The following SCNN1B variants were observed in gnomAD, a reference collection of about 807,000 sequenced individuals.
SCNN1B encodes sodium channel epithelial 1 subunit beta.
In SCNN1B, 46 loss-of-function variants were observed where a neutral mutation model predicts 65.3. The ratio of observed to expected loss-of-function variants is 0.70; its 90% confidence interval spans 0.56 to 0.90. The LOEUF is 0.90. Ranked by LOEUF, SCNN1B falls within the 40% of genes least tolerant of loss-of-function variation. The probability of loss-of-function intolerance (pLI) is 0.00; values close to 1 mark genes in which losing one functional copy is unlikely to be tolerated. For missense variants in SCNN1B, 751 were observed against 830.5 expected (o/e 0.90, Z 1.18); for synonymous variants, 349 against 330.6 (o/e 1.06, Z -0.60).
At chr16:23,357,498 G>A (rs60866571) in intron 4 of SCNN1B, among the ~76,000 whole-genome samples, 31 of 152,288 alleles carry the variant, frequency 2.0e-4, no homozygotes, top group South Asian at 4.1e-4. Context: ...AAGGAGAATC[G>A]CTTGAACCCC....
chr16:23,278,231 G>T (rs1960732874), exon 1 of SCNN1B: 1 of 152,140 alleles, frequency 6.6e-6, no homozygotes, highest in Non-Finnish European at 1.5e-5. Context: ...ATGAAGTGCT[G>T]ATACAGGCTA....
At chr16:23,350,350 C>T (rs1183836624) in intron 2 of SCNN1B, among the ~76,000 whole-genome samples, 1 of 152,126 alleles carries the variant, frequency 6.6e-6, no homozygotes, top group Non-Finnish European at 1.5e-5. Context: ...ACCATTCTTC[C>T]GGATTGCCCG....
At position 23,309,410 on chromosome 16, in the gene SCNN1B, T is replaced by TGATAGATAGATAGATA. The variant is rs58532372; in HGVS notation, c.-9+6988_-9+7003dup. 6.4e-3 allele frequency among the ~76,000 whole-genome samples: 964 copies of TGATAGATAGATAGATA among 150,926 alleles called. 7 individuals carry two copies. The highest frequency in any genetic ancestry group is 0.012 in the African/African-American group (485 of 40,914). ...GGATAGATGATAGATAGATAAATGATGATAGATAGATAGATAGATAGATAG... is the reference window on the plus strand; with the variant it reads ...GGATAGATGATAGATAGATAAATGATGATAGATAGATAGATAGATAGATAGATAGATAGATAGATAG... On this transcript the variant is annotated intron_variant, in intron 1 of 12. Coordinates refer to ENST00000343070, the MANE Select transcript of SCNN1B (RefSeq NM_000336.3).
At chr16:23,330,468 C>G (rs1961788537) in intron 1 of SCNN1B, among the ~76,000 whole-genome samples, 4 of 152,188 alleles carry the variant, frequency 2.6e-5, no homozygotes, top group African/African-American at 9.7e-5. Flanking sequence ...GGGCATTTCC[C>G]CCAGCGCCTT....
intron 1 of SCNN1B, among the ~76,000 whole-genome samples, chr16:23,344,078 C>T (rs1962136087): frequency 6.6e-6 from 1 of 152,242 alleles, no homozygotes; most frequent in East Asian, 1.9e-4. Flanking sequence ...ACTTTTGCTA[C>T]CTGTAGTACT....
chr16:23,300,922 G>T (rs1211262390), upstream of SCNN1B, among the ~76,000 whole-genome samples: 1 of 151,668 alleles, frequency 6.6e-6, no homozygotes, highest in African/African-American at 2.4e-5. Context: ...AATATTTTTA[G>T]GTATCAGTTT....
chr16:23,355,498 C>A lies in SCNN1B; in HGVS notation c.776+9C>A, dbSNP rs1962401157. ...GAGCCCTGCAACTACCGGTGAGAGCCACCCCAAGCCCACCCGGCCAGGCCC... is the reference window on the plus strand; with the variant it reads ...GAGCCCTGCAACTACCGGTGAGAGCAACCCCAAGCCCACCCGGCCAGGCCC... On this transcript the variant is annotated intron_variant, in intron 4 of 12. Coordinates refer to ENST00000343070, the MANE Select transcript of SCNN1B (RefSeq NM_000336.3). 3 of 1,613,844 alleles carry A rather than the reference C, an allele frequency of 1.9e-6. No homozygotes were observed. The highest frequency in any genetic ancestry group is 2.5e-6 in the Non-Finnish European group (3 of 1,179,972).
intron 1 of SCNN1B, among the ~76,000 whole-genome samples, chr16:23,331,704 G>C (rs1291695260): frequency 6.6e-6 from 1 of 152,128 alleles, no homozygotes; most frequent in African/African-American, 2.4e-5. Flanking sequence ...TTCAACATAT[G>C]AATTCATTTT....
chr16:23,380,300 T>C lies in SCNN1B; in HGVS notation c.1543-121T>C. On this transcript the variant is annotated intron_variant, in intron 12 of 12. Coordinates refer to ENST00000343070, the MANE Select transcript of SCNN1B (RefSeq NM_000336.3). The surrounding 1 kb of genome is among the most constrained non-coding windows in gnomAD (Gnocchi z 5.4). ...CTAAGACAGTCCCAAGTTATTCCCC[T>C]GGGCCAAGATGGTCACCCCCTCCCG... 3.3e-6 allele frequency: 5 copies of C among 1,535,994 alleles called. No individual in the cohort carries two copies. Among genetic ancestry groups the C allele is most frequent in the South Asian group, 1.1e-5 (1 of 88,930 alleles).
rs114204040 is a variant in SCNN1B, at chr16:23,311,392, A to T, written c.-9+8955A>T. 2.5e-3 allele frequency among the ~76,000 whole-genome samples: 378 copies of T among 152,164 alleles called. 2 individuals are homozygous for T. Among genetic ancestry groups the T allele is most frequent in the African/African-American group, 8.4e-3 (350 of 41,508 alleles). ...TCTCTCAAGAGTTACTCCTGATTGG[A>T]CTCATTTGAGGACCTTAAGCAGGGG... is the stretch of plus-strand genomic sequence containing the variant. On this transcript the variant is annotated intron_variant, in intron 1 of 12. Transcript: ENST00000343070.
At chr16:23,297,169 A>G (rs1043669110) in intron 2 of SCNN1B, among the ~76,000 whole-genome samples, 1 of 152,132 alleles carries the variant, frequency 6.6e-6, no homozygotes, top group Non-Finnish European at 1.5e-5. Flanking sequence ...GGAGGGTAGC[A>G]CATGCCTCAA....
At chr16:23,289,441 C>T (rs1048307551) in intron 2 of SCNN1B, among the ~76,000 whole-genome samples, 1 of 152,036 alleles carries the variant, frequency 6.6e-6, no homozygotes, top group African/African-American at 2.4e-5. Context: ...GTCCTGGATA[C>T]TCAGGAGGCT....
intron 2 of SCNN1B, among the ~76,000 whole-genome samples, chr16:23,351,104 C>T (rs981120343): frequency 6.6e-6 from 1 of 152,144 alleles, no homozygotes; most frequent in Non-Finnish European, 1.5e-5. Context: ...AGGGAATTCT[C>T]ACATAGTGAT....
chr16:23,323,505 CT>C, intron 1 of SCNN1B: 1 of 702,650 alleles, frequency 1.4e-6, no homozygotes, highest in South Asian at 1.5e-5. Context: ...ACAATTTAAT[CT>C]TCACATCAAC....
chr16:23,352,601 T>C (rs1962333143), intron 2 of SCNN1B, among the ~76,000 whole-genome samples, 200 bp from the exon 3 acceptor site: 1 of 152,168 alleles, frequency 6.6e-6, no homozygotes, highest in Non-Finnish European at 1.5e-5. Flanking sequence ...TCCGCCATGA[T>C]TGTAAGTTTC....
At chr16:23,286,169 A>T (rs1269290595) in intron 2 of SCNN1B, among the ~76,000 whole-genome samples, 1 of 152,200 alleles carries the variant, frequency 6.6e-6, no homozygotes, top group Non-Finnish European at 1.5e-5. Context: ...TGCCCTAGTC[A>T]GTGAGGGAAA....
Position 23,332,289 on chromosome 16 carries a change from G to C in SCNN1B, c.-8-16303G>C, listed in dbSNP as rs542319512. ...CGACTCACTGAAACCTCTGCCTCCC[G>C]AGTTCAAGCGATTCTCCTGCCTCAG... is the stretch of plus-strand genomic sequence containing the variant. On this transcript the variant is annotated intron_variant, in intron 1 of 12. Coordinates refer to ENST00000343070, the MANE Select transcript of SCNN1B (RefSeq NM_000336.3). 2.1e-3 allele frequency among the ~76,000 whole-genome samples: 319 copies of C among 151,706 alleles called. 2 individuals carry two copies. The highest frequency in any genetic ancestry group is 7.1e-3 in the African/African-American group (293 of 41,324).
intron 3 of SCNN1B, among the ~76,000 whole-genome samples, chr16:23,353,471 G>A (rs1383337689): frequency 6.6e-6 from 1 of 152,130 alleles, no homozygotes; most frequent in Admixed American, 6.5e-5. Context: ...GATCCCCTCA[G>A]TGCCCTTGCT....
chr16:23,283,197 G>A lies in SCNN1B; in HGVS notation n.111-540G>A, dbSNP rs531740754. ...AGGCTGAGGCAGGTGGATCACTTGAGGTCAGGAGTTGAAGACCAGCCTGGC... is the reference window on the plus strand; with the variant it reads ...AGGCTGAGGCAGGTGGATCACTTGAAGTCAGGAGTTGAAGACCAGCCTGGC... On this transcript the variant is annotated intron_variant and non_coding_transcript_variant, in intron 1 of 3. Transcript: ENST00000569789. Among the ~76,000 whole-genome samples, 20 of 152,314 alleles carry A rather than the reference G, an allele frequency of 1.3e-4. 2 individuals carry two copies. In the South Asian group the frequency reaches 3.9e-3, roughly 30 times the overall value.
Sources: allele counts gnomAD v4.1 joint callset (sites outside exome capture counted in the v4.1 genomes callset), GRCh38; gene constraint gnomAD v4.1.1; non-coding constraint Gnocchi (gnomAD v3.1); transcripts MANE v1.5; gene names NCBI Gene and HGNC (gene_info 2026-07-23, HGNC 2026-07-21).